DTX1: variants seen among roughly 807,000 people sequenced by gnomAD.
The protein encoded by DTX1 is E3 ubiquitin-protein ligase DTX1.
Under a neutral mutation model 57.8 loss-of-function variants are expected in DTX1, and 26 were observed. That is an observed-to-expected ratio of 0.45 (90% confidence interval 0.33 to 0.62). The LOEUF (loss-of-function observed/expected upper bound fraction) is 0.62. Ranked by LOEUF, DTX1 falls within the 20% of genes least tolerant of loss-of-function variation. The pLI is 0.02. For missense variants in DTX1, 704 were observed against 895.3 expected (o/e 0.79, Z 2.73); for synonymous variants, 398 against 394.1 (o/e 1.01, Z -0.12).
chr12:113,057,373 A>T (rs2044632698), intron 1 of DTX1, 76 bp from the exon 2 acceptor site: 1 of 152,800 alleles, frequency 6.5e-6, no homozygotes, highest in African/African-American at 2.4e-5. Flanking sequence ...TCTCAGCCGA[A>T]TGCTCTCCTG....
chr12:113,085,281 C>G (rs2044848719), intron 3 of DTX1, among the ~76,000 whole-genome samples: 1 of 152,188 alleles, frequency 6.6e-6, no homozygotes, highest in Non-Finnish European at 1.5e-5. Context: ...AACTCCTGAC[C>G]TCAAGCAATC....
chr12:113,077,818 C>T lies in DTX1; in HGVS notation c.654C>T (p.Ile218=). Residue 218 remains isoleucine (I), a synonymous_variant, in exon 3 of 10, where the codon ATC becomes ATT. Coordinates refer to ENST00000548759, the MANE Select transcript of DTX1 (RefSeq NM_004416.3). The surrounding 1 kb of genome is among the most constrained non-coding windows in gnomAD (Gnocchi z 7.8). The stretch of plus-strand genomic sequence containing the variant: ...GCACGCGCGCCGCCTCCAACGCCAT[C>T]CTGGCCTCGCAGCGCCGCAAGGCGC... ...VNSTRAASNA[I]LASQRRKAPP... The T allele has an allele frequency of 6.9e-7, 1 of 1,443,458 alleles. No individual in the cohort carries two copies. The highest frequency in any genetic ancestry group is 9.0e-7 in the Non-Finnish European group (1 of 1,107,996). The allele number at this position is 1,443,458 out of a possible 1,614,324, so 89.4% of individuals were successfully genotyped here.
Position 113,056,860 on chromosome 12 carries a change from C to G in DTX1, c.-829C>G, listed in dbSNP as rs1039149958. On this transcript the variant is annotated 5_prime_UTR_variant, in exon 1 of 10. Transcript: ENST00000548759. ...GGGAACGGGCGCGGAGGCGGGACCG[C>G]GGCTCCCTCCCACTCCGGGGGGAGC... 2 of 152,314 alleles carry G rather than the reference C, an allele frequency of 1.3e-5. No individual in the cohort carries two copies. The highest frequency in any genetic ancestry group is 3.2e-3 in the Middle Eastern group (1 of 316). The allele number at this position is 152,314 out of a possible 1,614,324, so 9.4% of individuals were successfully genotyped here.
At chr12:113,075,059 G>A (rs1343877104) in intron 2 of DTX1, among the ~76,000 whole-genome samples, 1 of 152,146 alleles carries the variant, frequency 6.6e-6, no homozygotes, top group Non-Finnish European at 1.5e-5. Context: ...GCAGATTTTG[G>A]AATCATCAGA....
At chr12:113,066,237 GGGGTGTGTAGGCC>G (rs60265483) in intron 2 of DTX1, among the ~76,000 whole-genome samples, 4,177 of 152,228 alleles carry the variant, frequency 0.027, 105 homozygotes, top group African/African-American at 0.064. Flanking sequence ...TAAGAATCAT[GGGGTGTGTAGGCC>G]GGGTGTGGTG....
chr12:113,085,416 A>C (rs2044850118), intron 3 of DTX1, among the ~76,000 whole-genome samples: 1 of 152,196 alleles, frequency 6.6e-6, no homozygotes, highest in South Asian at 2.1e-4. Flanking sequence ...CAACATTGCC[A>C]AGCTGATAAT....
rs749821377 is a variant in DTX1, at chr12:113,093,263, AC to A, written c.1003+41del. Reference sequence around the variant, plus strand: ...AGGGCGGGAAAGAAGGGCGGGGCCCACTAGGAGGCAGCTCCGCCTGTCACCC... The same window carrying A: ...AGGGCGGGAAAGAAGGGCGGGGCCCATAGGAGGCAGCTCCGCCTGTCACCC... On this transcript the variant is annotated intron_variant, in intron 4 of 9. Coordinates refer to ENST00000548759, the MANE Select transcript of DTX1 (RefSeq NM_004416.3). The surrounding 1 kb of genome is among the most constrained non-coding windows in gnomAD (Gnocchi z 4.2). 6.4e-7 allele frequency: 1 copy of A among 1,553,348 alleles called. No homozygotes were observed. The highest frequency in any genetic ancestry group is 1.2e-5 in the South Asian group (1 of 84,304).
intron 7 of DTX1, 23 bp downstream of exon 7, chr12:113,094,970 TGAG>T: frequency 6.2e-7 from 1 of 1,608,312 alleles, no homozygotes; most frequent in Non-Finnish European, 8.5e-7. Context: ...GGACAATGGC[TGAG>T]GAGTGGGCAG....
At chr12:113,065,334 G>A (rs1279052922) in intron 2 of DTX1, among the ~76,000 whole-genome samples, 1 of 152,168 alleles carries the variant, frequency 6.6e-6, no homozygotes, top group East Asian at 1.9e-4. Context: ...GCTGAGAAGA[G>A]ACGGGTCTGA....
intron 3 of DTX1, among the ~76,000 whole-genome samples, chr12:113,082,569 C>T (rs1321968644): frequency 6.6e-6 from 1 of 152,152 alleles, no homozygotes; most frequent in Non-Finnish European, 1.5e-5. Flanking sequence ...CCAGCCCTCC[C>T]AACCCTGGTC....
rs778651621 is a variant in DTX1, at chr12:113,077,422, A to G, written c.260-2A>G. ...GACGCCTCCTCCCCATTTCGAGTAC[A>G]GGCACCATGCGGCCCGTGCGGCGCA... is the stretch of plus-strand genomic sequence containing the variant. On this transcript the variant is annotated splice_acceptor_variant, in intron 2 of 9. Transcript: ENST00000548759. LOFTEE classifies it high-confidence loss of function. The surrounding 1 kb of genome is among the most constrained non-coding windows in gnomAD (Gnocchi z 7.8). 6.2e-7 allele frequency: 1 copy of G among 1,600,526 alleles called. No individual in the cohort carries two copies.
At chr12:113,063,808 T>G (rs2044682397) in intron 2 of DTX1, among the ~76,000 whole-genome samples, 1 of 152,172 alleles carries the variant, frequency 6.6e-6, no homozygotes, top group Admixed American at 6.5e-5. Context: ...CTGGAGACCC[T>G]TAGGCTGTTA....
intron 3 of DTX1, among the ~76,000 whole-genome samples, chr12:113,081,681 G>C (rs2044818505): frequency 6.6e-6 from 1 of 152,160 alleles, no homozygotes; most frequent in Non-Finnish European, 1.5e-5. Context: ...CAACTTCAAG[G>C]GGGCTCGAAG....
At chr12:113,061,414 A>C (rs888766577) in intron 2 of DTX1, among the ~76,000 whole-genome samples, 1 of 152,202 alleles carries the variant, frequency 6.6e-6, no homozygotes, top group Non-Finnish European at 1.5e-5. Context: ...GGAGCAAAAC[A>C]ATGTCAAGAA....
Position 113,077,652 on chromosome 12 carries a change from C to T in DTX1, c.488C>T (p.Thr163Met). 1 of 1,592,656 alleles carries T rather than the reference C, an allele frequency of 6.3e-7. No homozygotes were observed. Reference sequence around the variant, plus strand: ...AGCATGTCGCAGATGAACCGCCAGACGCGCCGGCGCCGCCGCCTGCGCCGC... The same window carrying T: ...AGCATGTCGCAGATGAACCGCCAGATGCGCCGGCGCCGCCGCCTGCGCCGC... ...FNSMSQMNRQ[T>M]RRRRRLRRRL... is the part of the protein sequence containing the mutation. The change falls in exon 3 of 10, where the codon ACG (threonine) becomes ATG (methionine). Residue 163 changes from threonine to methionine, a missense_variant. By Grantham distance (81) the Thr-to-Met change is moderately conservative (BLOSUM62 -1). Around this residue, in one of 3 missense-constraint regions of DTX1, gnomAD observed 237 missense variants for 328.6 expected, o/e 0.72. Coordinates refer to ENST00000548759, the MANE Select transcript of DTX1 (RefSeq NM_004416.3). This position sits in a 1 kb window ranked among gnomAD's most constrained non-coding sequence, Gnocchi z 7.8.
intron 2 of DTX1, among the ~76,000 whole-genome samples, chr12:113,065,708 G>T (rs183905882): frequency 1.0e-3 from 158 of 152,228 alleles, no homozygotes; most frequent in African/African-American, 3.4e-3. Context: ...AGGGGATGGT[G>T]AAGAAGGTGG....
chr12:113,065,769 G>A (rs1228961593), intron 2 of DTX1, among the ~76,000 whole-genome samples: 2 of 152,080 alleles, frequency 1.3e-5, no homozygotes, highest in African/African-American at 2.4e-5. Context: ...AGGGTGTGAT[G>A]AGAGGGTGAC....
At position 113,058,412 on chromosome 12, in the gene DTX1, A is replaced by G. The variant is rs769386039; in HGVS notation, c.220A>G (p.Ile74Val). 47 of 1,606,464 alleles carry G rather than the reference A, an allele frequency of 2.9e-5. No individual in the cohort carries two copies. Among genetic ancestry groups the G allele is most frequent in the Non-Finnish European group, 3.4e-5 (40 of 1,179,840 alleles). Residue 74 changes from isoleucine (I) to valine (V), a missense_variant, in exon 2 of 10, where the codon ATC becomes GTC. Around this residue, in one of 3 missense-constraint regions of DTX1, gnomAD observed 237 missense variants for 328.6 expected, o/e 0.72. Transcript: ENST00000548759. ...GGACGCCCAGCTTGTGCCCTACATCATCGACCTGCAGTCCATGCACCAGTT... is the reference window on the plus strand; with the variant it reads ...GGACGCCCAGCTTGTGCCCTACATCGTCGACCTGCAGTCCATGCACCAGTT... Reference protein sequence around the residue: ...QVDAQLVPYIIDLQSMHQFRQ... With the variant: ...QVDAQLVPYIVDLQSMHQFRQ...
At chr12:113,089,072 G>T (rs1282861986) in intron 3 of DTX1, among the ~76,000 whole-genome samples, 2 of 152,192 alleles carry the variant, frequency 1.3e-5, no homozygotes, top group Non-Finnish European at 2.9e-5. Context: ...TGACATTTGA[G>T]CAGAGACCTG....
Sources: gnomAD v4.1 joint callset for allele counts (sites outside exome capture counted in the v4.1 genomes callset) on GRCh38, gnomAD v4.1.1 for gene constraint, gnomAD v4.1.1 regional missense constraint, Gnocchi (gnomAD v3.1) non-coding constraint, MANE v1.5 for transcripts, NCBI Gene and HGNC (gene_info 2026-07-23, HGNC 2026-07-21) for gene names.